Variants in SLC35F4 observed in about 807,000 individuals in gnomAD.
SLC35F4 encodes the protein solute carrier family 35 member F4.
Under a neutral mutation model 44.2 loss-of-function variants are expected in SLC35F4, and 24 were observed. That is an observed-to-expected ratio of 0.54 (90% CI 0.39 to 0.76). SLC35F4 has a LOEUF of 0.76. SLC35F4 is among the 30% of genes least tolerant of loss of function. SLC35F4 has a pLI of 0.00. For synonymous variants in SLC35F4, 238 were observed against 223.6 expected, an observed-to-expected ratio of 1.06 and a Z score of -0.57; for missense variants, 562 against 586.1, an observed-to-expected ratio of 0.96 and a Z score of 0.42.
intron 1 of SLC35F4, among the ~76,000 whole-genome samples, chr14:57,968,336 T>C (rs1880948098): frequency 6.6e-6 from 1 of 152,216 alleles, no homozygotes; most frequent in South Asian, 2.1e-4. Context: ...ACATAGACAG[T>C]CTGGACTCTA....
At chr14:57,727,494 CTT>C (rs562362000) in intron 1 of SLC35F4, among the ~76,000 whole-genome samples, 1 of 144,964 alleles carries the variant, frequency 6.9e-6, no homozygotes. Context: ...TTATTTTTAG[CTT>C]TTTTTTTTTC....
intron 1 of SLC35F4, among the ~76,000 whole-genome samples, chr14:57,847,450 C>T (rs985247534): frequency 6.6e-6 from 1 of 152,126 alleles, no homozygotes; most frequent in Admixed American, 6.5e-5. Context: ...TCTTCTGTTA[C>T]TTTGAAAATT....
At chr14:57,839,352 C>A (rs1175566234) in intron 1 of SLC35F4, among the ~76,000 whole-genome samples, 2 of 152,096 alleles carry the variant, frequency 1.3e-5, no homozygotes, top group Non-Finnish European at 1.5e-5. Flanking sequence ...ACCTGTGGAG[C>A]TTTTTAAAAA....
chr14:57,859,250 T>C (rs1426883419), intron 1 of SLC35F4, among the ~76,000 whole-genome samples: 2 of 152,156 alleles, frequency 1.3e-5, no homozygotes, highest in East Asian at 3.8e-4. Context: ...TGGAAGACTA[T>C]ATGCATCCAC....
intron 1 of SLC35F4, among the ~76,000 whole-genome samples, chr14:57,909,106 T>C (rs1227437232): frequency 6.6e-6 from 1 of 152,202 alleles, no homozygotes; most frequent in African/African-American, 2.4e-5. Context: ...ATGTTTGGTG[T>C]TATTTCTGAG....
At chr14:57,840,793 A>G (rs961113492) in intron 1 of SLC35F4, among the ~76,000 whole-genome samples, 7 of 152,220 alleles carry the variant, frequency 4.6e-5, no homozygotes, top group Non-Finnish European at 8.8e-5. Context: ...TAAAAGAGCA[A>G]ATCACATGTT....
intron 1 of SLC35F4, among the ~76,000 whole-genome samples, chr14:57,769,893 G>C (rs967590637): frequency 6.6e-5 from 10 of 152,158 alleles, no homozygotes; most frequent in Non-Finnish European, 1.3e-4. Context: ...CACAGCCTGA[G>C]GGTGAGCATT....
chr14:57,909,655 A>G (rs1341353940), intron 1 of SLC35F4, among the ~76,000 whole-genome samples: 2 of 151,876 alleles, frequency 1.3e-5, no homozygotes, highest in Admixed American at 1.3e-4. Flanking sequence ...GATAGCTCAT[A>G]TTTTTTACCA....
intron 1 of SLC35F4, among the ~76,000 whole-genome samples, chr14:57,921,510 G>T (rs1481107325): frequency 1.3e-5 from 2 of 152,170 alleles, no homozygotes; most frequent in African/African-American, 4.8e-5. Flanking sequence ...AGTTTGCTAT[G>T]GTTGCCATGG....
intron 1 of SLC35F4, among the ~76,000 whole-genome samples, chr14:57,941,204 T>C (rs919660716): frequency 3.9e-5 from 6 of 152,060 alleles, no homozygotes; most frequent in Admixed American, 6.6e-5. Context: ...CACAAAAGAA[T>C]TGAAAACAGG....
At chr14:57,570,987 C>T (rs563316591) in intron 5 of SLC35F4, among the ~76,000 whole-genome samples, 2 of 152,080 alleles carry the variant, frequency 1.3e-5, no homozygotes, top group Non-Finnish European at 2.9e-5. Context: ...AAGCTTGTCA[C>T]ACAGAATCAA....
chr14:57,618,564 G>A (rs555378221), intron 1 of SLC35F4, among the ~76,000 whole-genome samples: 1 of 152,308 alleles, frequency 6.6e-6, no homozygotes, highest in East Asian at 1.9e-4. Context: ...ATTCCCTCCA[G>A]TGCCTACACC....
chr14:57,591,658 A>G (rs754636921), intron 2 of SLC35F4, among the ~76,000 whole-genome samples: 3 of 152,202 alleles, frequency 2.0e-5, no homozygotes, highest in Non-Finnish European at 4.4e-5. Context: ...GAGCACCCAC[A>G]TGGCTGGGCC....
chr14:57,685,953 A>G (rs7159204), intron 1 of SLC35F4, among the ~76,000 whole-genome samples: 22,558 of 152,152 alleles, frequency 0.15, 1,909 homozygotes, highest in East Asian at 0.29. Flanking sequence ...CCAATAGTAA[A>G]TAAGTTATGA....
At chr14:57,873,372 C>T (rs1297111297) in intron 1 of SLC35F4, among the ~76,000 whole-genome samples, 1 of 152,172 alleles carries the variant, frequency 6.6e-6, no homozygotes, top group Non-Finnish European at 1.5e-5. Context: ...AGGTATTCAT[C>T]ATAGCATCAC....
chr14:57,891,651 G>A (rs1330130507), intron 1 of SLC35F4, among the ~76,000 whole-genome samples: 3 of 152,120 alleles, frequency 2.0e-5, no homozygotes, highest in Admixed American at 2.0e-4. Flanking sequence ...GCCAAGGCAG[G>A]CATATCACGA....
intron 2 of SLC35F4, 145 bp downstream of exon 2, chr14:57,593,794 C>T: frequency 7.0e-6 from 6 of 856,466 alleles, no homozygotes; most frequent in Non-Finnish European, 1.1e-5. Flanking sequence ...TTCCCTGCTT[C>T]CTTATCCTCC....
intron 1 of SLC35F4, among the ~76,000 whole-genome samples, chr14:57,617,359 T>G (rs2071901938): frequency 6.6e-6 from 1 of 151,938 alleles, no homozygotes; most frequent in Non-Finnish European, 1.5e-5. Context: ...CTCGATCTCC[T>G]GACCTCGTGA....
At chr14:57,870,190 G>C (rs1295076590), upstream of SLC35F4, among the ~76,000 whole-genome samples, 1 of 106,108 alleles carries the variant, frequency 9.4e-6, no homozygotes, top group Non-Finnish European at 1.6e-5. Context: ...CTCTCTCTCG[G>C]TCTGTTTTTC....
Sources: allele counts gnomAD v4.1 joint callset (sites outside exome capture counted in the v4.1 genomes callset), GRCh38; gene constraint gnomAD v4.1.1; transcripts MANE v1.5; gene names NCBI Gene and HGNC (gene_info 2026-07-23, HGNC 2026-07-21).